STARD13: variants seen among roughly 807,000 people sequenced by gnomAD.
STARD13 encodes the protein StAR related lipid transfer domain containing 13, also known as stAR-related lipid transfer protein 13.
A neutral mutation model predicts 106.4 loss-of-function variants in STARD13; 62 were observed. The ratio of observed to expected loss-of-function variants is 0.58; its 90% CI spans 0.48 to 0.72. The LOEUF (loss-of-function observed/expected upper bound fraction) is 0.72, where lower values mean the gene tolerates loss of function less well. STARD13 is among the 30% of genes least tolerant of loss of function. STARD13 has a pLI of 0.00. For missense variants in STARD13, 1,387 were observed against 1,424.0 expected, an observed-to-expected ratio of 0.97 and a Z score of 0.42; for synonymous variants, 565 against 553.0, an observed-to-expected ratio of 1.02 and a Z score of -0.31.
At chr13:33,200,262 T>C (rs1329044787) in intron 1 of STARD13, among the ~76,000 whole-genome samples, 1 of 152,226 alleles carries the variant, frequency 6.6e-6, no homozygotes, top group Non-Finnish European at 1.5e-5. Context: ...CCGCTTGCTC[T>C]GTCATTCACA....
chr13:33,193,182 C>A (rs1886373509), intron 1 of STARD13, among the ~76,000 whole-genome samples: 1 of 152,156 alleles, frequency 6.6e-6, no homozygotes, highest in South Asian at 2.1e-4. Context: ...TTTATTCATA[C>A]TTTAATCAGC....
Position 33,285,511 on chromosome 13 carries a change from C to G in STARD13, c.128G>C (p.Arg43Pro). 1 of 1,614,012 alleles carries G rather than the reference C, an allele frequency of 6.2e-7. No individual in the cohort carries two copies. Among genetic ancestry groups the G allele is most frequent in the Non-Finnish European group, 8.5e-7 (1 of 1,179,898 alleles). Residue 43 changes from arginine (R) to proline (P), a missense_variant, in exon 1 of 14, where the codon CGG becomes CCG. Physicochemically the swap from Arg to Pro is moderately radical, Grantham distance 103. Coordinates refer to ENST00000336934, the MANE Select transcript of STARD13 (RefSeq NM_178006.4). The part of the protein sequence containing the change: ...TTRRSPYRMS[R>P]ILARHQLVTK... Reference sequence around the variant, plus strand: ...CACTAGCTGATGGCGTGCTAGAATCCGGCTCATCCTGTAAGGAGAGCGTCT... The same window carrying G: ...CACTAGCTGATGGCGTGCTAGAATCGGGCTCATCCTGTAAGGAGAGCGTCT...
intron 1 of STARD13, among the ~76,000 whole-genome samples, chr13:33,342,249 A>G (rs1054219458): frequency 8.5e-5 from 13 of 152,208 alleles, no homozygotes; most frequent in African/African-American, 2.7e-4. Flanking sequence ...CCTAAGAGCT[A>G]AGCTTTGTTT....
At chr13:33,501,414 T>C in the STARD13 span, among the ~76,000 whole-genome samples, 8 of 152,198 alleles carry the variant, frequency 5.3e-5, no homozygotes, top group Non-Finnish European at 1.0e-4. Flanking sequence ...CTATTTTGGC[T>C]TTTATTGCCT....
At chr13:33,418,657 G>T in the STARD13 span, among the ~76,000 whole-genome samples, 1 of 152,220 alleles carries the variant, frequency 6.6e-6, no homozygotes, top group Admixed American at 6.5e-5. Flanking sequence ...CCTGACCCCC[G>T]TGTAGCCAAA....
At chr13:33,424,139 G>C in the STARD13 span, among the ~76,000 whole-genome samples, 1 of 151,790 alleles carries the variant, frequency 6.6e-6, no homozygotes. Flanking sequence ...AAAAAAATCT[G>C]TTATACCAAA....
At chr13:33,392,754 G>A in the STARD13 span, among the ~76,000 whole-genome samples, 20 of 152,314 alleles carry the variant, frequency 1.3e-4, no homozygotes, top group African/African-American at 4.1e-4. Flanking sequence ...GCCTAATTAA[G>A]AAGAGAAATA....
At chr13:33,185,776 C>G (rs1260230166) in intron 1 of STARD13, 1 of 1,168,024 alleles carries the variant, frequency 8.6e-7, no homozygotes, top group Non-Finnish European at 1.2e-6. Flanking sequence ...CCATGTCCTT[C>G]CAGACCACCT....
chr13:33,536,295 A>G, the STARD13 span, among the ~76,000 whole-genome samples: 1 of 152,234 alleles, frequency 6.6e-6, no homozygotes, highest in South Asian at 2.1e-4. Flanking sequence ...TTAGTGTAAC[A>G]TCATTTGGAC....
the STARD13 span, among the ~76,000 whole-genome samples, chr13:33,533,037 C>G: frequency 1.3e-5 from 2 of 152,116 alleles, no homozygotes; most frequent in African/African-American, 4.8e-5. Context: ...GGCTTAAGTC[C>G]TAAGTGGCCA....
chr13:33,663,312 G>T, the STARD13 span, among the ~76,000 whole-genome samples: 1 of 151,902 alleles, frequency 6.6e-6, no homozygotes, highest in African/African-American at 2.4e-5. Context: ...ATACTTAAAA[G>T]ATCCAAAAAT....
At chr13:33,400,062 A>G in the STARD13 span, among the ~76,000 whole-genome samples, 1 of 152,134 alleles carries the variant, frequency 6.6e-6, no homozygotes, top group African/African-American at 2.4e-5. Context: ...TCCATGCTGT[A>G]TATTAGATTT....
At chr13:33,458,334 T>G in the STARD13 span, among the ~76,000 whole-genome samples, 44,966 of 150,164 alleles carry the variant, frequency 0.3, 7,498 homozygotes, top group Non-Finnish European at 0.39. Flanking sequence ...GTGCAGTGGC[T>G]CAATCTTGGC....
At position 33,112,778 on chromosome 13, in the gene STARD13, A is replaced by G; in HGVS notation, c.2435T>C (p.Val812Ala). ...ENQMTPMNLA[V>A]CLAPSLFHLN... ...ATGAAAGAGGGAGGGGGCCAGACAC[A>G]CTGCCAGGTTCATGGGCGTCATCTG... Residue 812 changes from valine (V) to alanine (A), a missense_variant, in exon 9 of 14, where the codon GTG (valine) becomes GCG (alanine). Transcript: ENST00000336934. The G allele has an allele frequency of 6.2e-7, 1 of 1,613,548 alleles. No homozygotes were observed. The highest frequency in any genetic ancestry group is 1.1e-5 in the South Asian group (1 of 90,824).
At chr13:33,111,920 A>C (rs977537568) in intron 9 of STARD13, 28 bp from the exon 10 acceptor site, 5 of 1,434,410 alleles carry the variant, frequency 3.5e-6, no homozygotes, top group Non-Finnish European at 4.9e-6. Flanking sequence ...TGTGCTAAGC[A>C]GATCCCACAC....
chr13:33,349,277 C>T (rs1375510439), intron 1 of STARD13: 1 of 700,554 alleles, frequency 1.4e-6, no homozygotes, highest in African/African-American at 1.7e-5. Context: ...CTCAGGGGCC[C>T]TTCCAATCAT....
chr13:33,644,483 G>A, the STARD13 span, among the ~76,000 whole-genome samples: 2 of 152,012 alleles, frequency 1.3e-5, no homozygotes, highest in African/African-American at 2.4e-5. Flanking sequence ...ACAGAGACAC[G>A]CAACACTCAC....
chr13:33,344,247 T>C (rs570543478), downstream of STARD13, among the ~76,000 whole-genome samples: 2 of 152,334 alleles, frequency 1.3e-5, no homozygotes, highest in East Asian at 3.9e-4. Context: ...AACCCTGATA[T>C]AAGTGATGTG....
chr13:33,346,225 A>C (rs4611328), downstream of STARD13, among the ~76,000 whole-genome samples: 1 of 152,052 alleles, frequency 6.6e-6, no homozygotes, highest in Non-Finnish European at 1.5e-5. Context: ...CATCAGACCC[A>C]GTCAAGCCTT....
Sources: allele counts gnomAD v4.1 joint callset (sites outside exome capture counted in the v4.1 genomes callset), GRCh38; gene constraint gnomAD v4.1.1; transcripts MANE v1.5; gene names NCBI Gene and HGNC (gene_info 2026-07-23, HGNC 2026-07-21).